The following ECD variants were observed in gnomAD, a reference collection of about 807,000 sequenced individuals.
ECD encodes the protein ecdysoneless cell cycle regulator.
A neutral mutation model predicts 77.2 loss-of-function variants in ECD; 59 were observed. That is an observed-to-expected ratio of 0.76 (90% CI 0.62 to 0.95). ECD has a LOEUF of 0.95. Ranked by LOEUF, ECD falls within the 40% of genes least tolerant of loss-of-function variation. ECD has a pLI of 0.00. For synonymous variants in ECD, 233 were observed against 267.4 expected, an observed-to-expected ratio of 0.87 and a Z score of 1.26; for missense variants, 704 against 763.4, an observed-to-expected ratio of 0.92 and a Z score of 0.92.
chr10:73,139,843 G>T (rs974186377), intron 9 of ECD, 106 bp from the exon 10 acceptor site: 2 of 742,098 alleles, frequency 2.7e-6, no homozygotes, highest in Middle Eastern at 3.5e-4. Flanking sequence ...GTCTAATTTG[G>T]GGAGTGTTTT....
intron 3 of ECD, 152 bp from the exon 4 acceptor site, chr10:73,156,807 G>A: frequency 1.5e-6 from 1 of 658,572 alleles, no homozygotes; most frequent in South Asian, 1.9e-5. Context: ...AAATATTTAA[G>A]ATAACATTAA....
chr10:73,134,471 TA>T lies in ECD; in HGVS notation c.*111del. The T allele has an allele frequency of 9.3e-7, 1 of 1,076,246 alleles. No homozygotes were observed. Among genetic ancestry groups the T allele is most frequent in the South Asian group, 1.7e-5 (1 of 58,890 alleles). The allele number at this position is 1,076,246 out of a possible 1,614,324, so 66.7% of individuals were successfully genotyped here. A position where few individuals can be genotyped will look rare whatever the true frequency, so the allele number is the denominator to read the frequency against. On this transcript the variant is annotated 3_prime_UTR_variant, in exon 14 of 14. Transcript: ENST00000372979. ...TGGGGCTCATGGAGAAGTCAATCTG[TA>T]AAACTTGTAATGAAGAAACATTTTT...
intron 3 of ECD, among the ~76,000 whole-genome samples, chr10:73,159,287 A>C (rs1843343330): frequency 6.6e-6 from 1 of 152,246 alleles, no homozygotes; most frequent in African/African-American, 2.4e-5. Flanking sequence ...CCCATTTTTA[A>C]CGTAATGTTA....
At chr10:73,137,894 A>C (rs1447618937) in intron 12 of ECD, 109 bp downstream of exon 12, 1 of 764,106 alleles carries the variant, frequency 1.3e-6, no homozygotes, top group East Asian at 3.3e-5. Flanking sequence ...CAAACCAGGA[A>C]GAGAAAGCAA....
intron 7 of ECD, 136 bp downstream of exon 7, chr10:73,152,157 C>G: frequency 5.4e-6 from 6 of 1,111,270 alleles, no homozygotes; most frequent in Non-Finnish European, 7.4e-6. Context: ...TTTTTTCATT[C>G]TAATTTGAAA....
chr10:73,167,302 A>C (rs1031401237), intron 1 of ECD, among the ~76,000 whole-genome samples: 1 of 152,022 alleles, frequency 6.6e-6, no homozygotes, highest in African/African-American at 2.4e-5. Context: ...GTTCCATATA[A>C]ATTTTAGGAT....
chr10:73,166,370 C>T (rs1843463310), intron 1 of ECD, among the ~76,000 whole-genome samples: 1 of 152,096 alleles, frequency 6.6e-6, no homozygotes, highest in Non-Finnish European at 1.5e-5. Context: ...CATATAGTAG[C>T]TCTATTTTTA....
intron 2 of ECD, 73 bp downstream of exon 2, chr10:73,163,660 G>T: frequency 7.0e-7 from 1 of 1,435,058 alleles, no homozygotes; most frequent in South Asian, 1.2e-5. Context: ...AATGAAGCGT[G>T]GACTATTACA....
chr10:73,161,924 G>A (rs1843386036), intron 2 of ECD, among the ~76,000 whole-genome samples: 1 of 152,152 alleles, frequency 6.6e-6, no homozygotes, highest in African/African-American at 2.4e-5. Flanking sequence ...ACAGAATGAA[G>A]GTCAAACAAG....
intron 12 of ECD, among the ~76,000 whole-genome samples, chr10:73,137,306 T>G (rs979367230): frequency 2.6e-5 from 4 of 152,176 alleles, no homozygotes; most frequent in Non-Finnish European, 5.9e-5. Context: ...CTTTTAGCAG[T>G]TTCCGGGTAT....
At chr10:73,167,381 T>C (rs1843495679) in intron 1 of ECD, among the ~76,000 whole-genome samples, 1 of 152,184 alleles carries the variant, frequency 6.6e-6, no homozygotes, top group South Asian at 2.1e-4. Context: ...CTCTTAATTT[T>C]CTAAGGGTTT....
chr10:73,151,334 A>C (rs1478048008), intron 7 of ECD, among the ~76,000 whole-genome samples: 2 of 140,284 alleles, frequency 1.4e-5, no homozygotes, highest in Non-Finnish European at 3.0e-5. Flanking sequence ...CAATGAGAAC[A>C]CACGGACACA....
rs1843233728 is a variant in ECD at position 73,152,940 on chromosome 10, C to T, written c.784-519G>A. Among the ~76,000 whole-genome samples, 5 of 152,074 alleles carry T rather than the reference C, an allele frequency of 3.3e-5. No individual in the cohort carries two copies. In the South Asian group the frequency reaches 8.3e-4, roughly 25 times the overall value. ...AAAAAAAATTTTACCCTACTGCCTA[C>T]TTTTTAGTAATCGCTAGTAAAATTC... On this transcript the variant is annotated intron_variant, in intron 6 of 13. Coordinates refer to ENST00000372979, the MANE Select transcript of ECD (RefSeq NM_007265.3).
At chr10:73,155,766 T>C (rs1843287813) in intron 5 of ECD, among the ~76,000 whole-genome samples, 2 of 151,702 alleles carry the variant, frequency 1.3e-5, no homozygotes, top group African/African-American at 4.8e-5. Flanking sequence ...CGCCCTGCTA[T>C]TTTGTTTTTG....
chr10:73,154,467 T>A lies in ECD; in HGVS notation c.591-19A>T. The A allele has an allele frequency of 1.9e-6, 3 of 1,586,764 alleles. No individual in the cohort carries two copies. The highest frequency in any genetic ancestry group is 2.6e-6 in the Non-Finnish European group (3 of 1,170,708). ...TGGGTACCTGGGACAGGTAACATAA[T>A]TACTTTCATTTTACAGTATATAAAT... On this transcript the variant is annotated intron_variant, in intron 5 of 13. Transcript: ENST00000372979.
Position 73,160,505 on chromosome 10 carries a change from G to T in ECD, c.252C>A (p.Asn84Lys). 6.2e-7 allele frequency: 1 copy of T among 1,611,564 alleles called. No individual in the cohort carries two copies. Among genetic ancestry groups the T allele is most frequent in the Non-Finnish European group, 8.5e-7 (1 of 1,179,020 alleles). The change falls in exon 3 of 14, where the codon AAC becomes AAA. Residue 84 changes from asparagine to lysine, a missense_variant. Physicochemically the swap from Asn to Lys is moderately conservative, Grantham distance 94. Transcript: ENST00000372979. ...AAACAATAAACCATTCATCCTCAAT[G>T]TTATCCCCAAACTTTGTCACGCCAA... Reference protein sequence around the residue: ...HMFGVTKFGDNIEDEWFIVYV... With the variant: ...HMFGVTKFGDKIEDEWFIVYV...
At chr10:73,148,015 G>C (rs1294421768) in intron 8 of ECD, among the ~76,000 whole-genome samples, 1 of 152,048 alleles carries the variant, frequency 6.6e-6, no homozygotes, top group Non-Finnish European at 1.5e-5. Flanking sequence ...GCATTATCAA[G>C]TTTTTGCAAG....
intron 2 of ECD, 111 bp from the exon 3 acceptor site, chr10:73,160,662 TG>T: frequency 1.3e-6 from 1 of 741,864 alleles, no homozygotes; most frequent in South Asian, 2.1e-5. Context: ...CTCTAAGTAC[TG>T]GGGAGCAGGG....
intron 2 of ECD, among the ~76,000 whole-genome samples, chr10:73,161,132 T>A (rs1386510191): frequency 1.3e-5 from 2 of 151,434 alleles, no homozygotes; most frequent in East Asian, 3.9e-4. Flanking sequence ...AGTTTGTAGT[T>A]GTGAAAGATC....
Sources: allele counts gnomAD v4.1 joint callset (sites outside exome capture counted in the v4.1 genomes callset), GRCh38; gene constraint gnomAD v4.1.1; transcripts MANE v1.5; gene names NCBI Gene and HGNC (gene_info 2026-07-23, HGNC 2026-07-21).